CEP85L: variants seen among roughly 807,000 people sequenced by gnomAD.
The protein encoded by CEP85L is centrosomal protein of 85 kDa-like.
In CEP85L, 60 loss-of-function variants were observed where a neutral mutation model predicts 100.3. The observed-to-expected ratio is 0.60, with a 90% confidence interval of 0.49 to 0.74. CEP85L has a LOEUF of 0.74. CEP85L is among the 30% of genes least tolerant of loss of function. The pLI is 0.00. For synonymous variants in CEP85L, 319 were observed against 322.7 expected, an observed-to-expected ratio of 0.99 and a Z score of 0.12; for missense variants, 973 against 936.2, an observed-to-expected ratio of 1.04 and a Z score of -0.51.
At chr6:118,501,844 T>C (rs1257742876) in intron 5 of CEP85L, 10 of 1,295,520 alleles carry the variant, frequency 7.7e-6, no homozygotes, top group East Asian at 4.7e-5. Context: ...ACTCTGGAGA[T>C]GCCGAAGCAC....
chr6:118,569,370 G>GAGTAAAAT (rs991167646), intron 2 of CEP85L, among the ~76,000 whole-genome samples: 4 of 115,774 alleles, frequency 3.5e-5, no homozygotes, highest in African/African-American at 1.5e-4. Context: ...AAAAAAAAAG[G>GAGTAAAAT]AGTAAAATAT....
chr6:118,555,192 G>C (rs1222506634), intron 3 of CEP85L, among the ~76,000 whole-genome samples: 2 of 152,176 alleles, frequency 1.3e-5, no homozygotes, highest in Non-Finnish European at 2.9e-5. Flanking sequence ...AGCACTTTGG[G>C]AGGCCGAGGC....
intron 3 of CEP85L, among the ~76,000 whole-genome samples, chr6:118,527,352 T>C (rs1387860132): frequency 1.3e-5 from 2 of 152,092 alleles, no homozygotes; most frequent in African/African-American, 4.8e-5. Context: ...GCTCGCTGTT[T>C]TCCTTCCCGC....
chr6:118,507,566 GAT>G (rs1363809422), intron 5 of CEP85L, among the ~76,000 whole-genome samples: 2 of 152,162 alleles, frequency 1.3e-5, no homozygotes, highest in Non-Finnish European at 2.9e-5. Context: ...TCAGGTCATT[GAT>G]ATCACTCGGC....
At chr6:118,581,818 G>A (rs1395271357) in intron 2 of CEP85L, among the ~76,000 whole-genome samples, 2 of 152,146 alleles carry the variant, frequency 1.3e-5, no homozygotes, top group Admixed American at 6.5e-5. Flanking sequence ...TGAAAAAAAA[G>A]TGACTCATAT....
chr6:118,474,080 G>A (rs887705962), intron 10 of CEP85L, among the ~76,000 whole-genome samples: 1 of 152,176 alleles, frequency 6.6e-6, no homozygotes, highest in Admixed American at 6.5e-5. Flanking sequence ...ATGACAGTGT[G>A]AGGAGCTCCA....
chr6:118,645,683 AAAAC>A (rs566409322), intron 1 of CEP85L, among the ~76,000 whole-genome samples: 125 of 152,318 alleles, frequency 8.2e-4, no homozygotes, highest in South Asian at 1.2e-3. Flanking sequence ...AAAACAAAAC[AAAAC>A]AAACAAACAA....
Position 118,565,999 on chromosome 6 carries a change from C to T in CEP85L, c.550G>A (p.Glu184Lys). Reference sequence around the variant, plus strand: ...AAAGCCTTAGCCTTCCCTATCTTCTCCAAACCATTCCTTGACTCTTCTCTG... The same window carrying T: ...AAAGCCTTAGCCTTCCCTATCTTCTTCAAACCATTCCTTGACTCTTCTCTG... ...VCREESRNGL[E>K]KIGKAKALTS... is the part of the protein sequence containing the mutation. Residue 184 changes from glutamate to lysine, a missense_variant, in exon 3 of 13, where the codon GAG becomes AAG. Around this residue, in one of 3 missense-constraint regions of CEP85L, gnomAD observed 890 missense variants for 844.5 expected, o/e 1.05. Transcript: ENST00000368491. The T allele has an allele frequency of 1.2e-6, 2 of 1,614,242 alleles. No homozygotes were observed. Among genetic ancestry groups the T allele is most frequent in the Non-Finnish European group, 1.7e-6 (2 of 1,180,042 alleles).
chr6:118,575,557 C>T (rs1389006862), intron 2 of CEP85L, among the ~76,000 whole-genome samples: 1 of 152,166 alleles, frequency 6.6e-6, no homozygotes, highest in Non-Finnish European at 1.5e-5. Context: ...CCGCCAAACA[C>T]CTCTAACTTC....
rs988601954 is a variant in CEP85L, at chr6:118,675,926, G to A, written c.-27-23118C>T. ...GATGGATCTAGAATATCTGATAAAA[G>A]ATTTCAAAGAGAATGAACAATAATA... is the stretch of plus-strand genomic sequence containing the variant. On this transcript the variant is annotated intron_variant, in intron 1 of 13. Coordinates refer to the CEP85L transcript ENST00000368488. Among the ~76,000 whole-genome samples the A allele has an allele frequency of 2.6e-5, 4 of 152,218 alleles. No homozygotes were observed. The South Asian group carries it at 8.3e-4, about 32-fold the overall frequency.
intron 3 of CEP85L, among the ~76,000 whole-genome samples, chr6:118,561,536 T>C (rs905898625): frequency 5.3e-5 from 8 of 152,138 alleles, no homozygotes; most frequent in African/African-American, 1.7e-4. Context: ...TTTTAAAATT[T>C]AATATACTAA....
chr6:118,569,836 GTAAA>G (rs1445490444), intron 2 of CEP85L, among the ~76,000 whole-genome samples: 2 of 149,702 alleles, frequency 1.3e-5, no homozygotes, highest in African/African-American at 2.4e-5. Context: ...AATTCAATAA[GTAAA>G]TAAACAAGAA....
chr6:118,514,367 A>G (rs894887887), intron 4 of CEP85L, among the ~76,000 whole-genome samples: 2 of 151,984 alleles, frequency 1.3e-5, no homozygotes, highest in Non-Finnish European at 2.9e-5. Context: ...TCCACTAAAA[A>G]TACAAAAATT....
intron 2 of CEP85L, among the ~76,000 whole-genome samples, chr6:118,593,427 T>C (rs904179497): frequency 6.6e-6 from 1 of 151,386 alleles, no homozygotes; most frequent in Non-Finnish European, 1.5e-5. Flanking sequence ...AGAGGTTTGA[T>C]TGGAAGGCAA....
intron 1 of CEP85L, among the ~76,000 whole-genome samples, chr6:118,669,898 A>G (rs1776243182): frequency 6.6e-6 from 1 of 150,490 alleles, no homozygotes; most frequent in Admixed American, 6.7e-5. Flanking sequence ...CAAGTCCCAT[A>G]AGCTCTCTGG....
At chr6:118,636,840 A>G (rs1774523701) in intron 1 of CEP85L, among the ~76,000 whole-genome samples, 1 of 152,160 alleles carries the variant, frequency 6.6e-6, no homozygotes, top group Admixed American at 6.5e-5. Context: ...CCAGGTCTCC[A>G]GCTTGCCAAA....
intron 3 of CEP85L, among the ~76,000 whole-genome samples, chr6:118,527,493 T>C (rs1340472433): frequency 1.3e-5 from 2 of 152,112 alleles, no homozygotes; most frequent in African/African-American, 2.4e-5. Context: ...AAGTAACTGT[T>C]CTCAGACTGT....
chr6:118,504,393 AT>A (rs900608545), intron 5 of CEP85L, among the ~76,000 whole-genome samples: 2 of 151,798 alleles, frequency 1.3e-5, no homozygotes, highest in African/African-American at 4.9e-5. Flanking sequence ...AAAAAAAAAA[AT>A]CATACCTACA....
intron 3 of CEP85L, among the ~76,000 whole-genome samples, chr6:118,533,529 G>A (rs544211904): frequency 1.5e-4 from 23 of 152,112 alleles, no homozygotes; most frequent in African/African-American, 5.3e-4. Context: ...TCTACCAAAT[G>A]TTTAAAGAAT....
Sources: allele counts gnomAD v4.1 joint callset (sites outside exome capture counted in the v4.1 genomes callset), GRCh38; gene constraint gnomAD v4.1.1; regional missense constraint gnomAD v4.1.1; transcripts MANE v1.5; gene names NCBI Gene and HGNC (gene_info 2026-07-23, HGNC 2026-07-21).